Variants in RIF1 observed in about 807,000 individuals in gnomAD.
RIF1 encodes replication timing regulatory factor 1, also known as telomere-associated protein RIF1.
RIF1 carries 45 observed loss-of-function variants against 247.1 expected under a neutral mutation model. That is an observed-to-expected ratio of 0.18 (90% confidence interval 0.14 to 0.23). The LOEUF is 0.23. Among genes scored for constraint, RIF1 ranks in the 10% least tolerant of loss-of-function variants. RIF1 has a pLI of 1.00. For synonymous variants in RIF1, 1,087 were observed against 978.8 expected, an observed-to-expected ratio of 1.11 and a Z score of -2.06; for missense variants, 2,967 against 2,862.5, an observed-to-expected ratio of 1.04 and a Z score of -0.83.
At chr2:151,445,593 C>T in intron 19 of RIF1, 148 bp downstream of exon 19, 2 of 626,222 alleles carry the variant, frequency 3.2e-6, no homozygotes, top group Non-Finnish European at 5.6e-6. Context: ...GTCGTCCAGG[C>T]TTGGAGTACA....
chr2:151,495,219 C>CT (rs1186121033), intron 9 of RIF1: 7 of 152,196 alleles, frequency 4.6e-5, no homozygotes, highest in Non-Finnish European at 8.8e-5. Flanking sequence ...ACCTCGGTAT[C>CT]TCCCCTCAGT....
the RIF1 span, chr2:151,514,208 GCT>G: frequency 1.4e-6 from 1 of 729,130 alleles, no homozygotes; most frequent in South Asian, 1.7e-5. Flanking sequence ...AAAATGAAAA[GCT>G]CTGTTTTTCT....
Position 151,410,017 on chromosome 2 carries a change from T to C in RIF1, c.-27T>C. 2.8e-6 allele frequency: 2 copies of C among 702,874 alleles called. No homozygotes were observed. The highest frequency in any genetic ancestry group is 5.2e-6 in the Non-Finnish European group (2 of 384,894). The allele number at this position is 702,874 out of a possible 1,614,324, so 43.5% of individuals were successfully genotyped here. On this transcript the variant is annotated 5_prime_UTR_variant, in exon 1 of 36. Transcript: ENST00000444746. The stretch of plus-strand genomic sequence containing the variant: ...TGAGGGGCAGAGGCGGAGAGAACCC[T>C]GTCCTGATCTTCCTAGGTGGGATAA...
At chr2:151,421,738 A>G (rs1318645604) in intron 7 of RIF1, among the ~76,000 whole-genome samples, 1 of 152,170 alleles carries the variant, frequency 6.6e-6, no homozygotes, top group Non-Finnish European at 1.5e-5. Flanking sequence ...ACTTGCTTAA[A>G]ATGCAGAAGA....
At chr2:151,460,211 G>T in intron 26 of RIF1, 92 bp downstream of exon 26, 1 of 1,039,768 alleles carries the variant, frequency 9.6e-7, no homozygotes, top group Non-Finnish European at 1.3e-6. Flanking sequence ...AACTATAAAA[G>T]ACTAAATAAA....
the RIF1 span, among the ~76,000 whole-genome samples, chr2:151,514,163 T>C: frequency 2.6e-5 from 4 of 152,238 alleles, no homozygotes; most frequent in Non-Finnish European, 4.4e-5. Context: ...GTATATTTTA[T>C]GTAATGGTTA....
intron 9 of RIF1, among the ~76,000 whole-genome samples, chr2:151,487,249 A>G (rs964162436): frequency 6.6e-6 from 1 of 152,234 alleles, no homozygotes; most frequent in East Asian, 1.9e-4. Context: ...TCTCAAAGCT[A>G]TCCTCCACAG....
chr2:151,500,238 T>C (rs1292216521), intron 11 of RIF1, among the ~76,000 whole-genome samples: 1 of 152,166 alleles, frequency 6.6e-6, no homozygotes. Flanking sequence ...AGAAAGTTAC[T>C]GATCTAATTA....
chr2:151,460,541 C>T (rs931538956), intron 26 of RIF1, among the ~76,000 whole-genome samples: 7 of 150,086 alleles, frequency 4.7e-5, no homozygotes, highest in Admixed American at 2.7e-4. Flanking sequence ...TCAACTAGCT[C>T]ATGCTAGTTG....
intron 3 of RIF1, among the ~76,000 whole-genome samples, chr2:151,412,110 C>A (rs1244274204): frequency 6.6e-6 from 1 of 152,150 alleles, no homozygotes; most frequent in Non-Finnish European, 1.5e-5. Context: ...CAACCGTTAT[C>A]ATTTTTGCTT....
chr2:151,470,035 A>G (rs1243998850), intron 34 of RIF1, among the ~76,000 whole-genome samples, 171 bp downstream of exon 34: 2 of 151,970 alleles, frequency 1.3e-5, no homozygotes, highest in Non-Finnish European at 2.9e-5. Context: ...TTTTTCATTA[A>G]ATTCTGTTCA....
chr2:151,443,398 C>A, intron 17 of RIF1, 69 bp downstream of exon 17: 1 of 1,301,128 alleles, frequency 7.7e-7, no homozygotes, highest in Non-Finnish European at 1.1e-6. Flanking sequence ...TATTTATGTA[C>A]TATTTCATAA....
rs956910567 is a variant in RIF1, at chr2:151,436,695, C to A, written c.1196-132C>A. 1.6e-5 allele frequency: 10 copies of A among 629,404 alleles called. No individual in the cohort carries two copies. In the African/African-American group the frequency reaches 1.9e-4, roughly 12 times the overall value. 39.0% of individuals were successfully genotyped at this position (629,404 alleles called of 1,614,324 possible). On this transcript the variant is annotated intron_variant, in intron 11 of 35. Transcript: ENST00000444746. ...ACAGAATACCTGCATATTAATATTTCAAGGTATGGATTAATGCCTGAGACA... is the reference window on the plus strand; with the variant it reads ...ACAGAATACCTGCATATTAATATTTAAAGGTATGGATTAATGCCTGAGACA...
chr2:151,423,302 G>A (rs931558959), intron 8 of RIF1: 8 of 355,438 alleles, frequency 2.3e-5, no homozygotes, highest in African/African-American at 1.1e-4. Context: ...GCAAGGTTAC[G>A]CTCTGCCTTT....
intron 8 of RIF1, among the ~76,000 whole-genome samples, chr2:151,427,098 T>G (rs1689233142): frequency 6.6e-6 from 1 of 152,192 alleles, no homozygotes; most frequent in Non-Finnish European, 1.5e-5. Context: ...GTTACCGGTT[T>G]ATAGCCTGTT....
chr2:151,488,156 TA>T lies in RIF1; in HGVS notation c.*415+4822del, dbSNP rs533775799. ...TATTTTGAGGGCGAGGGGAATAATT[TA>T]TCAGTGAATTTTAGAGTTCTTTATT... On this transcript the variant is annotated intron_variant and NMD_transcript_variant, in intron 9 of 13. Transcript: ENST00000454583. 2.0e-5 allele frequency among the ~76,000 whole-genome samples: 3 copies of T among 152,298 alleles called. No homozygotes were observed. The South Asian group carries it at 6.2e-4, about 32-fold the overall frequency.
chr2:151,498,746 T>TACAA (rs1267744428), intron 10 of RIF1, among the ~76,000 whole-genome samples: 4 of 152,180 alleles, frequency 2.6e-5, no homozygotes, highest in African/African-American at 7.2e-5. Context: ...ATTTGGGTTT[T>TACAA]ACAAACATTG....
Position 151,469,764 on chromosome 2 carries a change from A to G in RIF1, c.6995A>G (p.Asp2332Gly), listed in dbSNP as rs1365144407. The G allele has an allele frequency of 6.2e-7, 1 of 1,609,776 alleles. No individual in the cohort carries two copies. The highest frequency in any genetic ancestry group is 1.3e-5 in the African/African-American group (1 of 74,892). The change falls in exon 34 of 36, where the codon GAT becomes GGT. Residue 2332 changes from aspartate to glycine, a missense_variant. Asp to Gly is a moderately conservative substitution (Grantham distance 94, BLOSUM62 -1). Coordinates refer to ENST00000444746, the MANE Select transcript of RIF1 (RefSeq NM_018151.5). ...IRAKNIKTIG[D>G]LSTLTASEIK... is the part of the protein sequence containing the mutation. ...GCTAAGAATATAAAAACTATTGGTG[A>G]TTTGAGTACTCTTACAGCATCTGAA...
chr2:151,517,996 T>C, the RIF1 span, among the ~76,000 whole-genome samples: 255 of 152,234 alleles, frequency 1.7e-3, 5 homozygotes, highest in South Asian at 0.048. Context: ...CTCCCTATAA[T>C]CTACTGTAGT....
Sources: gnomAD v4.1 joint callset for allele counts (sites outside exome capture counted in the v4.1 genomes callset) on GRCh38, gnomAD v4.1.1 for gene constraint, MANE v1.5 for transcripts, NCBI Gene and HGNC (gene_info 2026-07-23, HGNC 2026-07-21) for gene names.